Variants in ARHGEF28 observed in about 807,000 individuals in gnomAD.
The protein encoded by ARHGEF28 is 190 kDa guanine nucleotide exchange factor.
Under a neutral mutation model 206.6 loss-of-function variants are expected in ARHGEF28, and 152 were observed. That is an observed-to-expected ratio of 0.74 (90% CI 0.64 to 0.84). The LOEUF (loss-of-function observed/expected upper bound fraction) is 0.84. ARHGEF28 is among the 40% of genes least tolerant of loss of function. ARHGEF28 has a pLI of 0.00. For synonymous variants in ARHGEF28, 763 were observed against 776.4 expected, an observed-to-expected ratio of 0.98 and a Z score of 0.29; for missense variants, 2,028 against 2,073.2, an observed-to-expected ratio of 0.98 and a Z score of 0.42.
chr5:73,877,479 G>T (rs942977528), intron 22 of ARHGEF28, among the ~76,000 whole-genome samples: 23 of 139,662 alleles, frequency 1.6e-4, no homozygotes, highest in African/African-American at 6.4e-4. Context: ...GAATGTGTTT[G>T]CTCTTGCTTT....
chr5:73,631,122 G>A lies in ARHGEF28; in HGVS notation c.-12+4800G>A, dbSNP rs557372659. On this transcript the variant is annotated intron_variant, in intron 1 of 35. Transcript: ENST00000513042. The stretch of plus-strand genomic sequence containing the variant: ...GTAGAAGAGGGGTGGTATAGCTCTG[G>A]AAAGAGGAAAGACAAGTGGGCTGAC... Among the ~76,000 whole-genome samples the A allele has an allele frequency of 3.9e-5, 6 of 152,294 alleles. No individual in the cohort carries two copies. In the South Asian group the frequency reaches 1.2e-3, roughly 32 times the overall value.
chr5:73,814,952 T>C (rs954272066), intron 9 of ARHGEF28, among the ~76,000 whole-genome samples: 4 of 152,178 alleles, frequency 2.6e-5, no homozygotes, highest in Admixed American at 2.0e-4. Context: ...AATTCTATCA[T>C]TGAAGACTTT....
intron 2 of ARHGEF28, among the ~76,000 whole-genome samples, chr5:73,692,444 T>C (rs1246045769): frequency 6.6e-6 from 1 of 152,230 alleles, no homozygotes; most frequent in Non-Finnish European, 1.5e-5. Context: ...TGTTTCCAGC[T>C]GGATCTAAGA....
chr5:73,738,087 G>C lies in ARHGEF28; in HGVS notation c.34-11750G>C, dbSNP rs570861180. ...GAGGCTGGGGATGCTGTCGGGGTGGGTGCTGAGGAACTTTAGGGGGAGTTC... is the reference window on the plus strand; with the variant it reads ...GAGGCTGGGGATGCTGTCGGGGTGGCTGCTGAGGAACTTTAGGGGGAGTTC... On this transcript the variant is annotated intron_variant, in intron 2 of 35. Coordinates refer to ENST00000513042, the MANE Select transcript of ARHGEF28 (RefSeq NM_001177693.2). Among the ~76,000 whole-genome samples the C allele has an allele frequency of 2.0e-5, 3 of 152,314 alleles. No individual in the cohort carries two copies. In the East Asian group the frequency reaches 5.8e-4, roughly 29 times the overall value.
intron 12 of ARHGEF28, among the ~76,000 whole-genome samples, chr5:73,847,194 G>A (rs1437956774): frequency 6.6e-6 from 1 of 151,976 alleles, no homozygotes; most frequent in Non-Finnish European, 1.5e-5. Context: ...GTGTGCTATG[G>A]CAAAACTTCT....
At chr5:73,825,066 C>T (rs1756823475) in intron 9 of ARHGEF28, among the ~76,000 whole-genome samples, 1 of 152,168 alleles carries the variant, frequency 6.6e-6, no homozygotes, top group African/African-American at 2.4e-5. Flanking sequence ...CCACTGCCTG[C>T]CTGTATGGTT....
At chr5:73,804,780 C>T (rs1021140112) in intron 9 of ARHGEF28, among the ~76,000 whole-genome samples, 1 of 152,000 alleles carries the variant, frequency 6.6e-6, no homozygotes, top group African/African-American at 2.4e-5. Context: ...TTCATCACAC[C>T]ATATAAAAGG....
chr5:73,732,526 G>A (rs999105019), intron 2 of ARHGEF28, among the ~76,000 whole-genome samples: 1 of 152,166 alleles, frequency 6.6e-6, no homozygotes, highest in African/African-American at 2.4e-5. Flanking sequence ...TCTGAATAGA[G>A]CTGCTGTAAA....
At chr5:73,711,136 C>T (rs941312908) in intron 2 of ARHGEF28, among the ~76,000 whole-genome samples, 48 of 152,168 alleles carry the variant, frequency 3.2e-4, no homozygotes, top group African/African-American at 1.0e-3. Context: ...ATTATTTTAA[C>T]GTATTTTATT....
chr5:73,780,686 C>A lies in ARHGEF28; in HGVS notation c.851C>A (p.Pro284Gln), dbSNP rs6453022. ...DRAFLVKAFEPEARPEERTAM... is the reference protein window; with the variant it reads ...DRAFLVKAFEQEARPEERTAM... ...CCCATTGTTTCCTAGGCCTTTGAGC[C>A]AGAAGCCAGGCCAGAGGAAAGAACA... Residue 284 changes from proline to glutamine, a missense_variant, in exon 7 of 36, where the codon CCA becomes CAA. Coordinates refer to ENST00000513042, the MANE Select transcript of ARHGEF28 (RefSeq NM_001177693.2). The A allele has an allele frequency of 0.51, 796,551 of 1,553,786 alleles. 206,069 individuals carry two copies. Among genetic ancestry groups the A allele is most frequent in the African/African-American group, 0.69 (50,590 of 73,032 alleles).
intron 35 of ARHGEF28, among the ~76,000 whole-genome samples, chr5:73,938,160 C>CCACACACA (rs199804024): frequency 0.24 from 32,828 of 139,364 alleles, 4,067 homozygotes; most frequent in Admixed American, 0.28. Context: ...CTACACTACA[C>CCACACACA]CACACACACA....
chr5:73,904,590 T>A, intron 33 of ARHGEF28, 185 bp downstream of exon 33: 1 of 593,932 alleles, frequency 1.7e-6, no homozygotes, highest in Non-Finnish European at 2.9e-6. Flanking sequence ...ACACCATGAC[T>A]ACATTTTATA....
chr5:73,644,710 A>G (rs1161132186), intron 1 of ARHGEF28, among the ~76,000 whole-genome samples: 1 of 152,192 alleles, frequency 6.6e-6, no homozygotes, highest in African/African-American at 2.4e-5. Context: ...TCCTCCCTGC[A>G]CAAACCTGGC....
intron 11 of ARHGEF28, among the ~76,000 whole-genome samples, chr5:73,845,243 T>TC (rs1210695704): frequency 2.6e-5 from 4 of 152,132 alleles, no homozygotes; most frequent in Admixed American, 6.5e-5. Flanking sequence ...GGTCTCGATC[T>TC]CTGACCTCAT....
At chr5:73,912,071 TA>T (rs200945214) in intron 35 of ARHGEF28, among the ~76,000 whole-genome samples, 3,111 of 139,580 alleles carry the variant, frequency 0.022, 35 homozygotes, top group Middle Eastern at 0.036. Context: ...TTTGTCATTG[TA>T]AAAAAAAAAA....
At chr5:73,751,049 G>A (rs1751993956) in intron 3 of ARHGEF28, among the ~76,000 whole-genome samples, 1 of 152,134 alleles carries the variant, frequency 6.6e-6, no homozygotes, top group African/African-American at 2.4e-5. Context: ...GAGACCATCG[G>A]CAATTTTAAG....
At chr5:73,796,916 G>C (rs1377148497) in intron 9 of ARHGEF28, among the ~76,000 whole-genome samples, 1 of 152,182 alleles carries the variant, frequency 6.6e-6, no homozygotes, top group East Asian at 1.9e-4. Flanking sequence ...TAGCTTTGAA[G>C]AATGTTTGCT....
At chr5:73,900,151 T>C (rs1762177509) in intron 30 of ARHGEF28, 1 of 152,238 alleles carries the variant, frequency 6.6e-6, no homozygotes, top group Non-Finnish European at 1.5e-5. Flanking sequence ...AACTTCTTTG[T>C]ATTAGAAGAG....
intron 2 of ARHGEF28, among the ~76,000 whole-genome samples, chr5:73,707,235 A>T (rs1338509274): frequency 6.6e-6 from 1 of 152,228 alleles, no homozygotes; most frequent in African/African-American, 2.4e-5. Context: ...GGCTGGTCTC[A>T]TAGCTGCCTG....
Sources: allele counts gnomAD v4.1 joint callset (sites outside exome capture counted in the v4.1 genomes callset), GRCh38; gene constraint gnomAD v4.1.1; transcripts MANE v1.5; gene names NCBI Gene and HGNC (gene_info 2026-07-23, HGNC 2026-07-21).